RBPMS: variants seen among roughly 807,000 people sequenced by gnomAD.
RBPMS encodes the protein RNA-binding protein with multiple splicing.
A neutral mutation model predicts 26.8 loss-of-function variants in RBPMS; 7 were observed. The observed-to-expected ratio is 0.26, with a 90% CI of 0.15 to 0.49. The LOEUF (loss-of-function observed/expected upper bound fraction) is 0.49. RBPMS is among the 20% of genes least tolerant of loss of function. The pLI is 0.98. For synonymous variants in RBPMS, 96 were observed against 93.3 expected, an observed-to-expected ratio of 1.03 and a Z score of -0.17; for missense variants, 186 against 250.0, an observed-to-expected ratio of 0.74 and a Z score of 1.73.
chr8:30,550,147 A>G lies in RBPMS; in HGVS notation c.528+5523A>G, dbSNP rs938931581. ...TTACAAGCGCCTGGGGGCGATTTCT[A>G]TGCCTGCCTCCTGATGCAGGGCCTG... On this transcript the variant is annotated intron_variant, in intron 6 of 8. Coordinates refer to ENST00000397323, the MANE Select transcript of RBPMS (RefSeq NM_001008710.3). Among the ~76,000 whole-genome samples the G allele has an allele frequency of 7.2e-5, 11 of 152,086 alleles. No individual in the cohort carries two copies. The East Asian group carries it at 2.1e-3, about 29-fold the overall frequency.
intron 1 of RBPMS, among the ~76,000 whole-genome samples, chr8:30,390,110 T>C (rs1304270097): frequency 6.6e-6 from 1 of 152,260 alleles, no homozygotes; most frequent in Non-Finnish European, 1.5e-5. Flanking sequence ...ATCTAATTGG[T>C]GGATTACAGA....
intron 5 of RBPMS, among the ~76,000 whole-genome samples, chr8:30,517,807 C>A (rs1414406775): frequency 6.6e-6 from 1 of 152,146 alleles, no homozygotes; most frequent in Non-Finnish European, 1.5e-5. Context: ...ACCTGGTGGT[C>A]TTCCGCTTTT....
At chr8:30,527,913 C>T (rs1823760337) in intron 5 of RBPMS, among the ~76,000 whole-genome samples, 1 of 152,308 alleles carries the variant, frequency 6.6e-6, no homozygotes, top group Non-Finnish European at 1.5e-5. Context: ...TGGTGGCTCA[C>T]GCCTGTAGTC....
intron 1 of RBPMS, among the ~76,000 whole-genome samples, chr8:30,452,827 G>GTC (rs1814746228): frequency 1.3e-5 from 2 of 152,188 alleles, no homozygotes; most frequent in African/African-American, 4.8e-5. Context: ...TATGCTATTT[G>GTC]TCTAAAAACT....
intron 1 of RBPMS, among the ~76,000 whole-genome samples, chr8:30,443,304 G>C (rs1257360592): frequency 6.6e-6 from 1 of 152,026 alleles, no homozygotes; most frequent in Non-Finnish European, 1.5e-5. Context: ...AATGTTTTTG[G>C]TAATTATGGC....
At chr8:30,451,784 T>C (rs1159722323) in intron 1 of RBPMS, among the ~76,000 whole-genome samples, 1 of 152,166 alleles carries the variant, frequency 6.6e-6, no homozygotes, top group Non-Finnish European at 1.5e-5. Context: ...TTTTTAAATA[T>C]CAAATTGTAA....
chr8:30,388,870 G>A (rs7002236), intron 1 of RBPMS, among the ~76,000 whole-genome samples: 28,256 of 151,858 alleles, frequency 0.19, 3,099 homozygotes, highest in East Asian at 0.34. Context: ...AACTAAAAAA[G>A]CAAAAAACGT....
chr8:30,439,668 TG>T (rs1339288285), intron 1 of RBPMS, among the ~76,000 whole-genome samples: 1 of 152,144 alleles, frequency 6.6e-6, no homozygotes, highest in Non-Finnish European at 1.5e-5. Context: ...GTTTTGTTTT[TG>T]TTTTGAGAAA....
chr8:30,521,075 T>C (rs979105248), intron 5 of RBPMS, among the ~76,000 whole-genome samples: 1 of 152,186 alleles, frequency 6.6e-6, no homozygotes, highest in Non-Finnish European at 1.5e-5. Context: ...AGCACTGATA[T>C]TGACTAGATG....
intron 5 of RBPMS, chr8:30,537,568 T>C: frequency 2.2e-6 from 1 of 456,240 alleles, no homozygotes; most frequent in South Asian, 1.5e-5. Context: ...GAATATGTCT[T>C]TATCATCAGT....
intron 7 of RBPMS, chr8:30,565,192 C>T (rs957835355): frequency 2.0e-5 from 3 of 152,186 alleles, no homozygotes; most frequent in African/African-American, 7.2e-5. Flanking sequence ...TAGTGAAGTT[C>T]TGGGGAAAAT....
chr8:30,445,372 CTGTAAGATACA>C (rs1263652489), intron 1 of RBPMS: 1 of 152,008 alleles, frequency 6.6e-6, no homozygotes, highest in Non-Finnish European at 1.5e-5. Flanking sequence ...ATCCTTGTGT[CTGTAAGATACA>C]TAGATTGACA....
In RBPMS at chr8:30,566,356, T is replaced by C. The variant is rs571381522; in HGVS notation, c.*107T>C. 1 of 866,474 alleles carries C rather than the reference T, an allele frequency of 1.2e-6. No individual in the cohort carries two copies. The highest frequency in any genetic ancestry group is 3.7e-5 in the African/African-American group (1 of 27,304). The allele number at this position is 866,474 out of a possible 1,614,324, so 53.7% of individuals were successfully genotyped here. Reference sequence around the variant, plus strand: ...CTAGCTGTTCTACAAAACTGGAGCATGCTGGTGAGTAACAGTCAGGGCTGA... The same window carrying C: ...CTAGCTGTTCTACAAAACTGGAGCACGCTGGTGAGTAACAGTCAGGGCTGA... On this transcript the variant is annotated 3_prime_UTR_variant, in exon 8 of 9. Transcript: ENST00000397323.
chr8:30,428,654 G>A (rs1193703318), intron 1 of RBPMS, among the ~76,000 whole-genome samples: 1 of 151,886 alleles, frequency 6.6e-6, no homozygotes, highest in African/African-American at 2.4e-5. Flanking sequence ...AAATTTACAG[G>A]GCTCCCAGAG....
chr8:30,423,234 C>G (rs1478086605), intron 1 of RBPMS, among the ~76,000 whole-genome samples: 1 of 152,186 alleles, frequency 6.6e-6, no homozygotes, highest in Non-Finnish European at 1.5e-5. Flanking sequence ...ATTCTTTCTT[C>G]GACTGGAGAT....
intron 1 of RBPMS, among the ~76,000 whole-genome samples, chr8:30,419,511 A>C (rs1253905308): frequency 6.7e-6 from 1 of 149,546 alleles, no homozygotes; most frequent in Non-Finnish European, 1.5e-5. Flanking sequence ...ACAGGTAGAG[A>C]GCATTTCTAA....
intron 4 of RBPMS, among the ~76,000 whole-genome samples, chr8:30,483,706 A>G (rs1460008950): frequency 6.6e-6 from 1 of 152,010 alleles, no homozygotes; most frequent in African/African-American, 2.4e-5. Flanking sequence ...ACTATTTCCA[A>G]ACTTTTTCAT....
intron 1 of RBPMS, among the ~76,000 whole-genome samples, chr8:30,457,322 T>TGTAATA (rs1815333041): frequency 1.3e-5 from 2 of 152,242 alleles, no homozygotes; most frequent in African/African-American, 2.4e-5. Flanking sequence ...ATCTGTATTC[T>TGTAATA]CATTCACAGG....
In RBPMS at chr8:30,526,164, A is replaced by G. The variant is rs960174728; in HGVS notation, c.398-18330A>G. ...CCCAACTCCTTATCCCCAGATTCCC[A>G]GCCATAAGGTCTCCTTCAAAGCCAT... On this transcript the variant is annotated intron_variant, in intron 5 of 8. Transcript: ENST00000397323. 3.9e-5 allele frequency among the ~76,000 whole-genome samples: 6 copies of G among 152,156 alleles called. No homozygotes were observed. In the South Asian group the frequency reaches 1.0e-3, roughly 26 times the overall value.
Sources: gnomAD v4.1 joint callset for allele counts (sites outside exome capture counted in the v4.1 genomes callset) on GRCh38, gnomAD v4.1.1 for gene constraint, MANE v1.5 for transcripts, NCBI Gene and HGNC (gene_info 2026-07-23, HGNC 2026-07-21) for gene names.